The following MIDEAS variants were observed in gnomAD, a reference collection of about 807,000 sequenced individuals.
MIDEAS encodes the protein mitotic deacetylase associated SANT domain protein.
A neutral mutation model predicts 102.7 loss-of-function variants in MIDEAS; 26 were observed. That is an observed-to-expected ratio of 0.25 (90% CI 0.19 to 0.35). MIDEAS has a LOEUF of 0.35. Among genes scored for constraint, MIDEAS ranks in the 10% least tolerant of loss-of-function variants. The pLI is 1.00. For missense variants in MIDEAS, 1,231 were observed against 1,435.6 expected, an observed-to-expected ratio of 0.86 and a Z score of 2.30; for synonymous variants, 585 against 591.0, an observed-to-expected ratio of 0.99 and a Z score of 0.15.
chr14:73,743,564 C>T (rs1180092325), intron 1 of MIDEAS, among the ~76,000 whole-genome samples: 3 of 152,218 alleles, frequency 2.0e-5, no homozygotes, highest in Admixed American at 1.3e-4. Flanking sequence ...GTCAGGACTG[C>T]GCCACTTCCT....
At chr14:73,745,547 T>A (rs2053340516) in intron 1 of MIDEAS, among the ~76,000 whole-genome samples, 1 of 152,230 alleles carries the variant, frequency 6.6e-6, no homozygotes, top group Non-Finnish European at 1.5e-5. Context: ...CCCCCTCATC[T>A]GGGCTCACAT....
chr14:73,769,908 TTTTTTG>T (rs1004637194), intron 1 of MIDEAS, among the ~76,000 whole-genome samples: 5 of 136,798 alleles, frequency 3.7e-5, no homozygotes, highest in African/African-American at 5.6e-5. Context: ...CTGGGTTTTT[TTTTTTG>T]TTTTTTTTTT....
intron 1 of MIDEAS, among the ~76,000 whole-genome samples, chr14:73,743,565 G>C (rs946174865): frequency 6.6e-6 from 1 of 152,022 alleles, no homozygotes; most frequent in Admixed American, 6.6e-5. Context: ...TCAGGACTGC[G>C]CCACTTCCTC....
In MIDEAS at chr14:73,729,654, G is replaced by A. The variant is rs372115731; in HGVS notation, c.2081C>T (p.Thr694Met). The A allele has an allele frequency of 2.5e-5, 41 of 1,609,660 alleles. No homozygotes were observed. The highest frequency in any genetic ancestry group is 3.2e-5 in the Non-Finnish European group (38 of 1,177,330). The change falls in exon 4 of 13, where the codon ACG (threonine) becomes ATG (methionine). Residue 694 changes from threonine to methionine, a missense_variant. Physicochemically the swap from Thr to Met is moderately conservative, Grantham distance 81 (BLOSUM62 -1). This residue lies in a region of MIDEAS where 391 missense variants were observed against 483.0 expected (regional missense o/e 0.81). Transcript: ENST00000423556. Reference sequence around the variant, plus strand: ...AGGTCACTCACTAGTCCGGAGCAGCGTGCGATGGGCACTCTTAGGCGTGAT... The same window carrying A: ...AGGTCACTCACTAGTCCGGAGCAGCATGCGATGGGCACTCTTAGGCGTGAT... The part of the protein sequence containing the change: ...PPITPKSAHR[T>M]LLRTNSAEVT...
chr14:73,788,514 G>A (rs896122766), upstream of MIDEAS, among the ~76,000 whole-genome samples: 12 of 152,172 alleles, frequency 7.9e-5, no homozygotes, highest in South Asian at 8.3e-4. Context: ...CCAAAGATAG[G>A]CGTATGAAGA....
chr14:73,786,016 G>T (rs1316519629), intron 1 of MIDEAS, among the ~76,000 whole-genome samples: 1 of 152,190 alleles, frequency 6.6e-6, no homozygotes. Context: ...AAACATCCAC[G>T]CCAACAATGC....
In MIDEAS at chr14:73,726,970, C is replaced by T. The variant is rs754342203; in HGVS notation, c.2165G>A (p.Arg722Gln). The change falls in exon 6 of 13, where the codon CGG (arginine) becomes CAG (glutamine). Residue 722 changes from arginine (R) to glutamine (Q), a missense_variant and splice_region_variant. Around this residue, in one of 5 missense-constraint regions of MIDEAS, gnomAD observed 391 missense variants for 483.0 expected, o/e 0.81. Transcript: ENST00000423556. ...GEATPVSIEP[R>Q]INVGSRFQAE... Reference sequence around the variant, plus strand: ...CTGGAACCGGGAGCCCACGTTGATCCGTCTAGAGGAGTGAAAAGGGCAGGA... The same window carrying T: ...CTGGAACCGGGAGCCCACGTTGATCTGTCTAGAGGAGTGAAAAGGGCAGGA... 5 of 1,588,046 alleles carry T rather than the reference C, an allele frequency of 3.1e-6. No individual in the cohort carries two copies. Among genetic ancestry groups the T allele is most frequent in the South Asian group, 1.1e-5 (1 of 89,820 alleles).
At chr14:73,781,678 G>A (rs2053758408) in intron 1 of MIDEAS, among the ~76,000 whole-genome samples, 1 of 136,120 alleles carries the variant, frequency 7.3e-6, no homozygotes, top group Non-Finnish European at 1.5e-5. Flanking sequence ...AGATTATGGT[G>A]AGCCAAGATC....
rs185347935 is a variant in MIDEAS at position 73,749,403 on chromosome 14, G to A, written c.-247-9148C>T. 9.9e-3 allele frequency among the ~76,000 whole-genome samples: 1,493 copies of A among 150,472 alleles called. 30 individuals carry two copies. Among genetic ancestry groups the A allele is most frequent in the African/African-American group, 0.035 (1,432 of 40,890 alleles). On this transcript the variant is annotated intron_variant, in intron 1 of 12. Coordinates refer to ENST00000423556, the MANE Select transcript of MIDEAS (RefSeq NM_001367710.1). ...AAAAAAAAAAAAATTAGCTGCGTGT[G>A]GTGGCCACTATAGTCCCAGCTACTC...
chr14:73,730,289 G>T (rs2053122169), intron 3 of MIDEAS: 1 of 487,684 alleles, frequency 2.1e-6, no homozygotes, highest in Non-Finnish European at 3.8e-6. Context: ...GTATAAAATT[G>T]TAACACATTC....
chr14:73,737,926 C>T (rs147080022), intron 2 of MIDEAS, among the ~76,000 whole-genome samples: 2,103 of 151,622 alleles, frequency 0.014, 37 homozygotes, highest in African/African-American at 0.048. Context: ...GGATTACAGG[C>T]GTGCAGTACC....
At chr14:73,783,799 G>A (rs1201805945) in intron 1 of MIDEAS, among the ~76,000 whole-genome samples, 2 of 152,234 alleles carry the variant, frequency 1.3e-5, no homozygotes, top group African/African-American at 2.4e-5. Context: ...CAAATCTGCA[G>A]GACAGAACTG....
At position 73,738,696 on chromosome 14, in the gene MIDEAS, C is replaced by T. The variant is rs781449558; in HGVS notation, c.1313G>A (p.Ser438Asn). The T allele has an allele frequency of 1.7e-5, 27 of 1,613,782 alleles. No individual in the cohort carries two copies. Among genetic ancestry groups the T allele is most frequent in the Non-Finnish European group, 1.7e-5 (20 of 1,179,896 alleles). ...TAGCACCTGCCCACAGTCCCCTGTG[C>T]TCACTGCCCTCATGCCCTCCTCGCT... ...MGSEEGMRAV[S>N]TGDCGQVLRG... Residue 438 changes from serine to asparagine, a missense_variant, in exon 2 of 13, where the codon AGC becomes AAC. Transcript: ENST00000423556.
chr14:73,789,723 T>C (rs1432479557), upstream of MIDEAS: 1 of 152,194 alleles, frequency 6.6e-6, no homozygotes, highest in Non-Finnish European at 1.5e-5. Context: ...GGCCGAGCTC[T>C]CAGTCCTTTT....
chr14:73,746,465 G>A (rs2095645964), intron 1 of MIDEAS, among the ~76,000 whole-genome samples: 1 of 152,202 alleles, frequency 6.6e-6, no homozygotes, highest in South Asian at 2.1e-4. Context: ...GAAGCAGGCA[G>A]GTTTAGGCTT....
At chr14:73,734,200 G>C (rs2053174350) in intron 3 of MIDEAS, among the ~76,000 whole-genome samples, 1 of 151,974 alleles carries the variant, frequency 6.6e-6, no homozygotes, top group Non-Finnish European at 1.5e-5. Flanking sequence ...GGCCAGGATG[G>C]TCTCGATCTC....
chr14:73,768,075 G>A (rs992300664), intron 1 of MIDEAS, among the ~76,000 whole-genome samples: 1 of 152,150 alleles, frequency 6.6e-6, no homozygotes, highest in Non-Finnish European at 1.5e-5. Context: ...GGGGAGAATC[G>A]CTTGAGCCCA....
At chr14:73,785,004 A>G (rs2053793141) in intron 1 of MIDEAS, among the ~76,000 whole-genome samples, 1 of 152,212 alleles carries the variant, frequency 6.6e-6, no homozygotes. Flanking sequence ...ACTTGGCTGG[A>G]AAGGCCAGGC....
chr14:73,718,675 G>A lies in MIDEAS; in HGVS notation c.*168C>T. On this transcript the variant is annotated 3_prime_UTR_variant, in exon 13 of 13. Coordinates refer to ENST00000423556, the MANE Select transcript of MIDEAS (RefSeq NM_001367710.1). Reference sequence around the variant, plus strand: ...TGGAGCCCTTAACGCTGCTCCCAGGGCCTTCATAAATAAAAGAGCCGTTTA... The same window carrying A: ...TGGAGCCCTTAACGCTGCTCCCAGGACCTTCATAAATAAAAGAGCCGTTTA... 3.1e-6 allele frequency: 2 copies of A among 638,504 alleles called. No individual in the cohort carries two copies. Among genetic ancestry groups the A allele is most frequent in the Non-Finnish European group, 4.6e-6 (2 of 430,310 alleles). The allele number at this position is 638,504 out of a possible 1,614,324, so 39.6% of individuals were successfully genotyped here.
Sources: gnomAD v4.1 joint callset for allele counts (sites outside exome capture counted in the v4.1 genomes callset) on GRCh38, gnomAD v4.1.1 for gene constraint, gnomAD v4.1.1 regional missense constraint, MANE v1.5 for transcripts, NCBI Gene and HGNC (gene_info 2026-07-23, HGNC 2026-07-21) for gene names.